RC3H2: variants seen among roughly 807,000 people sequenced by gnomAD.
RC3H2 encodes ring finger and CCCH-type domains 2.
In RC3H2, 31 loss-of-function variants were observed where a neutral mutation model predicts 133.3. That is an observed-to-expected ratio of 0.23 (90% confidence interval 0.17 to 0.31). RC3H2 has a LOEUF of 0.31. RC3H2 is among the 10% of genes least tolerant of loss of function. The pLI is 1.00. For synonymous variants in RC3H2, 517 were observed against 502.2 expected (o/e 1.03, Z -0.40); for missense variants, 1,175 against 1,437.2 (o/e 0.82, Z 2.95).
At chr9:122,855,058 A>G (rs1830187757) in intron 15 of RC3H2, 126 bp downstream of exon 15, 1 of 733,580 alleles carries the variant, frequency 1.4e-6, no homozygotes, top group Non-Finnish European at 2.2e-6. Flanking sequence ...GGTTGCAGTG[A>G]GCCAAGATCA....
intron 1 of RC3H2, among the ~76,000 whole-genome samples, chr9:122,903,413 T>C (rs117338393): frequency 3.0e-4 from 45 of 152,352 alleles, no homozygotes; most frequent in Admixed American, 6.5e-4. Context: ...CTTTTGAATA[T>C]AAAATCCTGA....
intron 5 of RC3H2, among the ~76,000 whole-genome samples, chr9:122,881,181 T>C (rs1379214854): frequency 1.3e-5 from 2 of 152,040 alleles, no homozygotes; most frequent in Non-Finnish European, 2.9e-5. Flanking sequence ...AAACAGGAGT[T>C]TCCTGAGCAA....
In RC3H2 at chr9:122,855,728, A is replaced by G. The variant is rs1830218757; in HGVS notation, c.2601+4T>C. 1.2e-6 allele frequency: 2 copies of G among 1,607,658 alleles called. No individual in the cohort carries two copies. Among genetic ancestry groups the G allele is most frequent in the East Asian group, 4.5e-5 (2 of 44,822 alleles). On this transcript the variant is annotated splice_donor_region_variant and intron_variant, in intron 14 of 20. Coordinates refer to ENST00000357244, the MANE Select transcript of RC3H2 (RefSeq NM_001100588.3). Reference sequence around the variant, plus strand: ...CAACCCCTGCAACCCCAGCAAAATCATACCATTAACACAGCATTTGAATTA... The same window carrying G: ...CAACCCCTGCAACCCCAGCAAAATCGTACCATTAACACAGCATTTGAATTA...
intron 10 of RC3H2, among the ~76,000 whole-genome samples, chr9:122,862,697 C>G (rs1164507712): frequency 6.6e-6 from 1 of 152,046 alleles, no homozygotes; most frequent in Non-Finnish European, 1.5e-5. Flanking sequence ...GAGTTCTAGA[C>G]CAGTCTGGCC....
chr9:122,857,941 A>C lies in RC3H2; in HGVS notation c.2436T>G (p.Ser812Arg). The C allele has an allele frequency of 1.2e-6, 2 of 1,614,050 alleles. No individual in the cohort carries two copies. Among genetic ancestry groups the C allele is most frequent in the Non-Finnish European group, 1.7e-6 (2 of 1,179,938 alleles). ...QSPTPPSPLF[S>R]VDFRADFSES... is the part of the protein sequence containing the mutation. The stretch of plus-strand genomic sequence containing the variant: ...TTCTTACATCCGCACGAAAGTCTAC[A>C]CTGAACAGAGGAGAAGGTGGTGTTG... Residue 812 changes from serine to arginine, a missense_variant, in exon 13 of 21, where the codon AGT becomes AGG. By Grantham distance (110) the Ser-to-Arg change is moderately radical (BLOSUM62 -1). Around this residue, in one of 8 missense-constraint regions of RC3H2, gnomAD observed 490 missense variants for 492.8 expected, o/e 0.99. Coordinates refer to ENST00000357244, the MANE Select transcript of RC3H2 (RefSeq NM_001100588.3).
At position 122,848,532 on chromosome 9, in the gene RC3H2, C is replaced by T. The variant is rs750162730; in HGVS notation, c.*1095G>A. On this transcript the variant is annotated 3_prime_UTR_variant, in exon 21 of 21. Transcript: ENST00000357244. ...AATGTTAGCCACTGTTCTACTATTA[C>T]ACAGTTCATAGTCTTATCAACCTAA... 2 of 152,146 alleles carry T rather than the reference C, an allele frequency of 1.3e-5. No homozygotes were observed. The highest frequency in any genetic ancestry group is 2.9e-5 in the Non-Finnish European group (2 of 67,998). The allele number at this position is 152,146 out of a possible 1,614,324, so 9.4% of individuals were successfully genotyped here. A position where few individuals can be genotyped will look rare whatever the true frequency, so the allele number is the denominator to read the frequency against.
At chr9:122,899,261 G>A (rs1832561824) in intron 1 of RC3H2, among the ~76,000 whole-genome samples, 1 of 151,768 alleles carries the variant, frequency 6.6e-6, no homozygotes. Context: ...ATCATGCCTG[G>A]CTAATTTTTG....
In RC3H2 at chr9:122,849,898, T is replaced by C. The variant is rs1049491159; in HGVS notation, c.3381-76A>G. The stretch of plus-strand genomic sequence containing the variant: ...GTTAAGGGTGACTATACATATTTAA[T>C]GAAAGCTACAGCAAACTTTAGGAGT... On this transcript the variant is annotated intron_variant, in intron 20 of 20. Coordinates refer to ENST00000357244, the MANE Select transcript of RC3H2 (RefSeq NM_001100588.3). 9.8e-6 allele frequency: 10 copies of C among 1,018,896 alleles called. No individual in the cohort carries two copies. In the African/African-American group the frequency reaches 1.3e-4, roughly 14 times the overall value. The allele number at this position is 1,018,896 out of a possible 1,614,324, so 63.1% of individuals were successfully genotyped here. A position where few individuals can be genotyped will look rare whatever the true frequency, so the allele number is the denominator to read the frequency against.
chr9:122,853,378 TA>T (rs72033785), intron 18 of RC3H2, among the ~76,000 whole-genome samples: 141 of 83,736 alleles, frequency 1.7e-3, no homozygotes, highest in Non-Finnish European at 1.6e-3. Flanking sequence ...GAATGATCAA[TA>T]AAAAAAAAAA....
rs1427099555 is a variant in RC3H2 at position 122,868,820 on chromosome 9, TAAC to T, written c.1326-3166_1326-3164del. Among the ~76,000 whole-genome samples the T allele has an allele frequency of 2.0e-5, 3 of 147,316 alleles. No homozygotes were observed. The East Asian group carries it at 6.0e-4, about 29-fold the overall frequency. Reference sequence around the variant, plus strand: ...CAAAATTTCATTATAATATAATCCTTAACAATATTCCCTCCTATATGTGTGTGT... The same window carrying T: ...CAAAATTTCATTATAATATAATCCTTAATATTCCCTCCTATATGTGTGTGT... On this transcript the variant is annotated intron_variant, in intron 9 of 20. Transcript: ENST00000357244.
intron 2 of RC3H2, 131 bp from the exon 3 acceptor site, chr9:122,893,157 A>T: frequency 7.8e-7 from 1 of 1,274,038 alleles, no homozygotes; most frequent in Non-Finnish European, 1.0e-6. Context: ...AAAGCCATTT[A>T]AGTAAAATTA....
intron 20 of RC3H2, 120 bp downstream of exon 20, chr9:122,850,961 C>A (rs531826920): frequency 6.6e-6 from 7 of 1,052,882 alleles, no homozygotes; most frequent in East Asian, 4.8e-5. Flanking sequence ...CCAGATTGAC[C>A]AAATCATTGC....
chr9:122,855,134 AGGCAT>A, intron 15 of RC3H2, 45 bp downstream of exon 15: 1 of 1,116,786 alleles, frequency 9.0e-7, no homozygotes, highest in East Asian at 2.6e-5. Context: ...AAAAAAAAAA[AGGCAT>A]AGTGCTTAGA....
In RC3H2 at chr9:122,896,096, T is replaced by TA. The variant is rs574851892; in HGVS notation, c.231+1182dup. ...GTCTTGGGCCACACATAAGATACAC[T>TA]AACACTAACAATAGCTGATGAGTTA... On this transcript the variant is annotated intron_variant, in intron 2 of 20. Coordinates refer to ENST00000357244, the MANE Select transcript of RC3H2 (RefSeq NM_001100588.3). Among the ~76,000 whole-genome samples the TA allele has an allele frequency of 2.5e-4, 36 of 142,646 alleles. 1 individual carries two copies. In the South Asian group the frequency reaches 8.1e-3, roughly 32 times the overall value. 93.6% of individuals were successfully genotyped at this position (142,646 alleles called of 152,430 possible).
At chr9:122,854,701 T>C (rs1830175569) in intron 15 of RC3H2, 86 bp from the exon 16 acceptor site, 1 of 871,766 alleles carries the variant, frequency 1.1e-6, no homozygotes, top group Non-Finnish European at 1.9e-6. Flanking sequence ...AATAGATCTG[T>C]ATTTTATCCC....
In RC3H2 at chr9:122,879,891, G is replaced by C. The variant is rs755806352; in HGVS notation, c.1094-18C>G. On this transcript the variant is annotated intron_variant, in intron 7 of 20. Transcript: ENST00000357244. ...AACAGCGTCTAAAATAAGCCACCAA[G>C]GGCATGGGGGTTGGGGGGGAAGAAT... 9 of 1,612,296 alleles carry C rather than the reference G, an allele frequency of 5.6e-6. No individual in the cohort carries two copies. In the South Asian group the frequency reaches 8.8e-5, roughly 16 times the overall value.
chr9:122,887,582 A>G (rs1326108078), intron 4 of RC3H2, among the ~76,000 whole-genome samples: 1 of 152,054 alleles, frequency 6.6e-6, no homozygotes, highest in Non-Finnish European at 1.5e-5. Context: ...AAAGCCCATA[A>G]TCTGGGTGTT....
chr9:122,888,261 A>C (rs1832016123), intron 4 of RC3H2, among the ~76,000 whole-genome samples: 2 of 152,226 alleles, frequency 1.3e-5, no homozygotes, highest in South Asian at 4.1e-4. Flanking sequence ...AACCTGAAAT[A>C]ATTCATTCTC....
chr9:122,854,242 T>G lies in RC3H2; in HGVS notation c.2925A>C (p.Leu975Phe), dbSNP rs573297813. ...TACTGGAATGCTTTCTATGACCAGA[T>G]AAATCAGTAACAATGAATCTGTCCC... ...VERDRFIVTD[L>F]SGHRKHSSTG... Residue 975 changes from leucine (L) to phenylalanine (F), a missense_variant, in exon 17 of 21, where the codon TTA becomes TTC. Physicochemically the swap from Leu to Phe is conservative, Grantham distance 22. Transcript: ENST00000357244. 6.2e-7 allele frequency: 1 copy of G among 1,613,506 alleles called. No homozygotes were observed. The highest frequency in any genetic ancestry group is 1.1e-5 in the South Asian group (1 of 91,018).
Sources: allele counts gnomAD v4.1 joint callset (sites outside exome capture counted in the v4.1 genomes callset), GRCh38; gene constraint gnomAD v4.1.1; regional missense constraint gnomAD v4.1.1; transcripts MANE v1.5; gene names NCBI Gene and HGNC (gene_info 2026-07-23, HGNC 2026-07-21).